Variants in SLX4IP observed in about 807,000 individuals in gnomAD.
SLX4IP encodes SLX4 interacting protein.
Under a neutral mutation model 32.9 loss-of-function variants are expected in SLX4IP, and 34 were observed. The observed-to-expected ratio is 1.03, with a 90% CI of 0.79 to 1.38. The LOEUF (loss-of-function observed/expected upper bound fraction) is 1.38, where lower values mean the gene tolerates loss of function less well. Ranked by LOEUF, SLX4IP falls within the 40% of genes most tolerant of loss-of-function variation. The pLI is 0.00. For synonymous variants in SLX4IP, 172 were observed against 171.7 expected, an observed-to-expected ratio of 1.00 and a Z score of -0.01; for missense variants, 444 against 479.0, an observed-to-expected ratio of 0.93 and a Z score of 0.68.
chr20:10,480,975 T>C (rs1297691123), intron 2 of SLX4IP, among the ~76,000 whole-genome samples: 1 of 152,212 alleles, frequency 6.6e-6, no homozygotes, highest in East Asian at 1.9e-4. Flanking sequence ...ATCTCCCTAT[T>C]ATATAGGTGA....
chr20:10,487,725 CG>C (rs933331992), intron 2 of SLX4IP, among the ~76,000 whole-genome samples: 2 of 152,114 alleles, frequency 1.3e-5, no homozygotes, highest in African/African-American at 4.8e-5. Flanking sequence ...CTCGAGAGGG[CG>C]GTCTTGGGCA....
intron 2 of SLX4IP, among the ~76,000 whole-genome samples, chr20:10,552,786 A>C (rs2066230302): frequency 6.6e-6 from 1 of 152,006 alleles, no homozygotes; most frequent in Non-Finnish European, 1.5e-5. Context: ...CTGTTACAGT[A>C]TCAATTCAAG....
intron 2 of SLX4IP, among the ~76,000 whole-genome samples, chr20:10,517,875 T>C (rs1427111893): frequency 4.6e-5 from 7 of 152,212 alleles, no homozygotes; most frequent in Non-Finnish European, 8.8e-5. Context: ...GGATTTGCTA[T>C]ATACAAGTTC....
chr20:10,616,788 T>C (rs540371475), intron 6 of SLX4IP, among the ~76,000 whole-genome samples: 2 of 152,158 alleles, frequency 1.3e-5, no homozygotes, highest in Non-Finnish European at 2.9e-5. Context: ...CATGGCCCTT[T>C]AGATGTTTAT....
chr20:10,601,665 G>A (rs2066843464), intron 5 of SLX4IP, 66 bp from the exon 6 acceptor site: 11 of 1,362,762 alleles, frequency 8.1e-6, no homozygotes, highest in Non-Finnish European at 1.1e-5. Flanking sequence ...ACAAAAATCT[G>A]GAACAACCAT....
rs563111442 is a variant in SLX4IP at position 10,570,623 on chromosome 20, G to A, written c.238+9803G>A. On this transcript the variant is annotated intron_variant, in intron 4 of 7. Transcript: ENST00000334534. ...AGCTCATTGCAACCTCCGCCTCCCA[G>A]GTTCAAGTGATTCTCCTGCCTCAGC... is the stretch of plus-strand genomic sequence containing the variant. Among the ~76,000 whole-genome samples, 272 of 151,990 alleles carry A rather than the reference G, an allele frequency of 1.8e-3. 1 individual carries two copies. Among genetic ancestry groups the A allele is most frequent in the Non-Finnish European group, 3.3e-3 (221 of 67,978 alleles).
intron 2 of SLX4IP, among the ~76,000 whole-genome samples, chr20:10,484,112 A>G (rs1288016659): frequency 1.3e-5 from 2 of 152,144 alleles, no homozygotes; most frequent in Non-Finnish European, 2.9e-5. Flanking sequence ...GAAGGCTCCC[A>G]TGTCACACTT....
intron 2 of SLX4IP, among the ~76,000 whole-genome samples, chr20:10,469,456 CT>C (rs1372158104): frequency 5.3e-5 from 8 of 152,064 alleles, no homozygotes; most frequent in Admixed American, 2.6e-4. Context: ...CTTCTATATG[CT>C]TCAGAAAAGT....
intron 4 of SLX4IP, among the ~76,000 whole-genome samples, chr20:10,585,573 TTTTCTTTCTTTC>T (rs528144254): frequency 6.6e-6 from 1 of 151,704 alleles, no homozygotes; most frequent in South Asian, 2.1e-4. Context: ...CTTTCCTTTT[TTTTCTTTCTTTC>T]TTTCTTTCTT....
chr20:10,470,572 T>G (rs546135308), intron 2 of SLX4IP, among the ~76,000 whole-genome samples: 1 of 152,330 alleles, frequency 6.6e-6, no homozygotes, highest in African/African-American at 2.4e-5. Flanking sequence ...TTATTAATAG[T>G]TACCTTAAAC....
intron 5 of SLX4IP, among the ~76,000 whole-genome samples, chr20:10,599,010 C>T (rs1177453578): frequency 6.6e-6 from 1 of 152,190 alleles, no homozygotes; most frequent in Non-Finnish European, 1.5e-5. Context: ...CAGAGTGACT[C>T]AACACAGTTG....
chr20:10,458,087 T>A lies in SLX4IP; in HGVS notation c.-29-89T>A, dbSNP rs996318937. On this transcript the variant is annotated intron_variant, in intron 1 of 7. Transcript: ENST00000334534. ...TCATCTCATAAATACCTATTGATAT[T>A]TTACTATTCAGCCCATCTTTTTCCT... The A allele has an allele frequency of 5.4e-6, 4 of 745,290 alleles. No individual in the cohort carries two copies. The Admixed American group carries it at 9.0e-5, about 17-fold the overall frequency. 46.2% of individuals were successfully genotyped at this position (745,290 alleles called of 1,614,324 possible). A position where few individuals can be genotyped will look rare whatever the true frequency, so the allele number is the denominator to read the frequency against.
intron 1 of SLX4IP, among the ~76,000 whole-genome samples, chr20:10,435,955 G>T (rs575038436): frequency 1.3e-5 from 2 of 152,288 alleles, no homozygotes; most frequent in Non-Finnish European, 2.9e-5. Context: ...CATCTACTAG[G>T]TTGAGACAAA....
intron 1 of SLX4IP, among the ~76,000 whole-genome samples, chr20:10,446,520 T>TCGTAGGTAAGTGCG (rs1555804744): frequency 6.6e-6 from 1 of 151,806 alleles, no homozygotes; most frequent in African/African-American, 2.4e-5. Context: ...AATTTTTGGG[T>TCGTAGGTAAGTGCG]TGTTTAGATT....
intron 6 of SLX4IP, among the ~76,000 whole-genome samples, chr20:10,614,750 C>T (rs1156431739): frequency 6.6e-6 from 1 of 152,152 alleles, no homozygotes; most frequent in African/African-American, 2.4e-5. Context: ...TCTGCCTCAC[C>T]AAGCTGTATT....
chr20:10,534,045 T>G (rs1174545886), intron 2 of SLX4IP, among the ~76,000 whole-genome samples: 1 of 152,182 alleles, frequency 6.6e-6, no homozygotes, highest in Non-Finnish European at 1.5e-5. Context: ...AGGGAGAGTC[T>G]GCATGTGGAG....
chr20:10,597,077 G>T (rs2066779253), intron 4 of SLX4IP, among the ~76,000 whole-genome samples: 1 of 152,252 alleles, frequency 6.6e-6, no homozygotes, highest in Non-Finnish European at 1.5e-5. Context: ...CATCAAGTCT[G>T]TGGTCACTCA....
intron 2 of SLX4IP, among the ~76,000 whole-genome samples, chr20:10,513,477 A>G (rs1568717493): frequency 6.6e-6 from 1 of 152,180 alleles, no homozygotes; most frequent in Non-Finnish European, 1.5e-5. Context: ...CTCTCATCCT[A>G]TCCATCTTAG....
intron 2 of SLX4IP, among the ~76,000 whole-genome samples, chr20:10,519,754 A>G (rs1045084921): frequency 6.6e-6 from 1 of 152,206 alleles, no homozygotes; most frequent in Non-Finnish European, 1.5e-5. Context: ...TGGAATTGCT[A>G]AGTCGTATGG....
Sources: allele counts gnomAD v4.1 joint callset (sites outside exome capture counted in the v4.1 genomes callset), GRCh38; gene constraint gnomAD v4.1.1; transcripts MANE v1.5; gene names NCBI Gene and HGNC (gene_info 2026-07-23, HGNC 2026-07-21).